The following STX10 variants were observed in gnomAD, a reference collection of about 807,000 sequenced individuals.
The protein encoded by STX10 is syntaxin 10, also known as syntaxin-10.
In STX10, 35 loss-of-function variants were observed where a neutral mutation model predicts 34.1. That is an observed-to-expected ratio of 1.03 (90% CI 0.78 to 1.36). STX10 has a LOEUF of 1.36. Among genes scored for constraint, STX10 ranks in the 40% most tolerant of loss-of-function variants. The probability of loss-of-function intolerance (pLI) is 0.00; values close to 1 mark genes in which losing one functional copy is unlikely to be tolerated. For missense variants in STX10, 361 were observed against 335.5 expected (o/e 1.08, Z -0.59); for synonymous variants, 155 against 132.9 (o/e 1.17, Z -1.15).
At chr19:13,144,898 G>A in intron 5 of STX10, 28 bp from the exon 6 acceptor site, 1 of 1,592,232 alleles carries the variant, frequency 6.3e-7, no homozygotes, top group Non-Finnish European at 8.6e-7. Context: ...GGGAGATGCT[G>A]TTGAAAACGA....
intron 4 of STX10, among the ~76,000 whole-genome samples, chr19:13,147,077 GAA>G (rs2019915612): frequency 2.0e-5 from 1 of 50,942 alleles, no homozygotes; most frequent in African/African-American, 6.6e-5. Context: ...GAGAAACACA[GAA>G]ACACACACAC....
In STX10 at chr19:13,149,426, AAAAG is replaced by A. The variant is rs566550573; in HGVS notation, c.300+69_300+72del. On this transcript the variant is annotated intron_variant, in intron 3 of 7. Coordinates refer to ENST00000587230, the MANE Select transcript of STX10 (RefSeq NM_003765.3). ...GGCTCTGTCTCAAAAAAAAAAAAAA[AAAAG>A]AAAGAAAGAAAGAAAAAAAAACACA... 3,206 of 756,708 alleles carry A rather than the reference AAAAG, an allele frequency of 4.2e-3. 7 individuals carry two copies. Among genetic ancestry groups the A allele is most frequent in the Non-Finnish European group, 4.7e-3 (2,331 of 496,300 alleles). 46.9% of individuals were successfully genotyped at this position (756,708 alleles called of 1,614,324 possible). A position where few individuals can be genotyped will look rare whatever the true frequency, so the allele number is the denominator to read the frequency against.
intron 4 of STX10, among the ~76,000 whole-genome samples, chr19:13,146,951 C>T (rs2019912206): frequency 6.6e-6 from 1 of 151,758 alleles, no homozygotes; most frequent in South Asian, 2.1e-4. Context: ...CAGTCCCCCA[C>T]CCTCCCCGAC....
intron 6 of STX10, 35 bp from the exon 7 acceptor site, chr19:13,144,706 C>T (rs956129749): frequency 6.2e-7 from 1 of 1,613,126 alleles, no homozygotes; most frequent in Non-Finnish European, 8.5e-7. Context: ...CCCCAGATGG[C>T]CCAGACACAC....
chr19:13,147,893 CAAAAAA>C (rs1159793123), intron 4 of STX10, among the ~76,000 whole-genome samples: 5 of 54,594 alleles, frequency 9.2e-5, no homozygotes, highest in African/African-American at 3.2e-4. Context: ...CACTCCGTCT[CAAAAAA>C]AAAAAAAAAA....
At chr19:13,146,684 G>A (rs967781358) in intron 4 of STX10, among the ~76,000 whole-genome samples, 1 of 151,656 alleles carries the variant, frequency 6.6e-6, no homozygotes, top group Non-Finnish European at 1.5e-5. Context: ...GAGATTACAG[G>A]TGATCACCAC....
At chr19:13,149,383 G>C in intron 3 of STX10, 116 bp downstream of exon 3, 1 of 905,120 alleles carries the variant, frequency 1.1e-6, no homozygotes, top group East Asian at 2.6e-5. Flanking sequence ...CTGTACTCCA[G>C]CCTGGGCGAC....
At position 13,144,466 on chromosome 19, in the gene STX10, T is replaced by A. The variant is rs2019848219; in HGVS notation, c.694A>T (p.Ile232Phe). The part of the protein sequence containing the change: ...MTSDRRQWCA[I>F]AVLVGVLLLV... ...AGAAGCACCCCCACTAGCACGGCGA[T>A]GGCACACCACTGTCGGCGGTCTGGG... Residue 232 changes from isoleucine (I) to phenylalanine (F), a missense_variant, in exon 8 of 8, where the codon ATC becomes TTC. Ile to Phe is a conservative substitution (Grantham distance 21). Transcript: ENST00000587230. 1 of 1,613,326 alleles carries A rather than the reference T, an allele frequency of 6.2e-7. No homozygotes were observed. Among genetic ancestry groups the A allele is most frequent in the African/African-American group, 1.3e-5 (1 of 74,906 alleles).
chr19:13,149,765 G>T lies in STX10; in HGVS notation c.168C>A (p.Ser56Arg). ...CCAGGTCCTCGAGGTCCCACTCGAT[G>T]CTGCGCAGGCCATTCCGCAGCTCAT... ...TTNELRNGLR[S>R]IEWDLEDLEE... The change falls in exon 2 of 8, where the codon AGC becomes AGA. Residue 56 changes from serine (S) to arginine (R), a missense_variant. Physicochemically the swap from Ser to Arg is moderately radical, Grantham distance 110. Transcript: ENST00000587230. The T allele has an allele frequency of 6.2e-7, 1 of 1,614,152 alleles. No homozygotes were observed. The highest frequency in any genetic ancestry group is 1.1e-5 in the South Asian group (1 of 91,086).
In STX10 at chr19:13,145,414, T is replaced by C. The variant is rs111903910; in HGVS notation, c.364-19A>G. 12 of 1,604,440 alleles carry C rather than the reference T, an allele frequency of 7.5e-6. No individual in the cohort carries two copies. The African/African-American group carries it at 9.4e-5, about 13-fold the overall frequency. On this transcript the variant is annotated intron_variant, in intron 4 of 7. Transcript: ENST00000587230. Reference sequence around the variant, plus strand: ...CGAGTATCTGCAGGGGCACACAACATAGGCTCAGGGAGAGACCCCAACTCA... The same window carrying C: ...CGAGTATCTGCAGGGGCACACAACACAGGCTCAGGGAGAGACCCCAACTCA...
intron 4 of STX10, among the ~76,000 whole-genome samples, chr19:13,147,535 G>A (rs1568392201): frequency 6.6e-6 from 1 of 151,964 alleles, no homozygotes. Context: ...GGAGGCTGAA[G>A]CTAGTGGATC....
chr19:13,146,112 G>T (rs901822822), intron 4 of STX10, among the ~76,000 whole-genome samples: 1 of 150,606 alleles, frequency 6.6e-6, no homozygotes, highest in Non-Finnish European at 1.5e-5. Flanking sequence ...CAGCAGAATC[G>T]CTTGAACCTG....
intron 2 of STX10, 41 bp downstream of exon 2, chr19:13,149,687 G>T (rs777922450): frequency 3.7e-6 from 6 of 1,610,066 alleles, no homozygotes; most frequent in Non-Finnish European, 5.1e-6. Flanking sequence ...CACCGCAATG[G>T]GCTCTCCCAT....
intron 3 of STX10, 148 bp from the exon 4 acceptor site, chr19:13,149,239 C>T: frequency 1.3e-6 from 1 of 742,746 alleles, no homozygotes; most frequent in Non-Finnish European, 2.2e-6. Flanking sequence ...TGGTGAAACC[C>T]CGTCTCTACT....
rs1241054599 is a variant in STX10, at chr19:13,144,429, A to G, written c.731T>C (p.Ile244Thr). 6.2e-7 allele frequency: 1 copy of G among 1,611,612 alleles called. No homozygotes were observed. The highest frequency in any genetic ancestry group is 8.5e-7 in the Non-Finnish European group (1 of 1,179,328). Residue 244 changes from isoleucine (I) to threonine (T), a missense_variant, in exon 8 of 8, where the codon ATC becomes ACC. Physicochemically the swap from Ile to Thr is moderately conservative, Grantham distance 89. Coordinates refer to ENST00000587230, the MANE Select transcript of STX10 (RefSeq NM_003765.3). ...CTGGGGTCAGAGAGAGAATAGTAAG[A>G]TGAGAACGAGGAGAAGCACCCCCAC... is the stretch of plus-strand genomic sequence containing the variant. ...VLVGVLLLVL[I>T]LLFSL
intron 1 of STX10, 81 bp from the exon 2 acceptor site, chr19:13,149,978 G>C: frequency 6.7e-7 from 1 of 1,498,700 alleles, no homozygotes; most frequent in South Asian, 1.2e-5. Context: ...AAACCCAAAC[G>C]CATGGGGGAC....
At chr19:13,147,311 A>T (rs1205109950) in intron 4 of STX10, among the ~76,000 whole-genome samples, 1 of 152,018 alleles carries the variant, frequency 6.6e-6, no homozygotes, top group Non-Finnish European at 1.5e-5. Context: ...CTAAAAACAC[A>T]AAAATTAGCT....
chr19:13,149,911 C>T lies in STX10; in HGVS notation c.36-14G>A, dbSNP rs182047549. The T allele has an allele frequency of 4.5e-5, 70 of 1,559,282 alleles. No homozygotes were observed. Among genetic ancestry groups the T allele is most frequent in the Admixed American group, 3.7e-4 (19 of 51,758 alleles). Reference sequence around the variant, plus strand: ...TTCTGCACCTCGCTGCGGGCAGGGGCACGGCGGGCGCGGCTGGGGGCAGGC... The same window carrying T: ...TTCTGCACCTCGCTGCGGGCAGGGGTACGGCGGGCGCGGCTGGGGGCAGGC... On this transcript the variant is annotated splice_polypyrimidine_tract_variant and intron_variant, in intron 1 of 7. Coordinates refer to ENST00000587230, the MANE Select transcript of STX10 (RefSeq NM_003765.3).
chr19:13,148,439 A>AT (rs2019958567), intron 4 of STX10, among the ~76,000 whole-genome samples: 1 of 145,060 alleles, frequency 6.9e-6, no homozygotes, highest in Non-Finnish European at 1.5e-5. Flanking sequence ...GGAGGCGGAG[A>AT]TTGCGGTGAG....
Sources: gnomAD v4.1 joint callset for allele counts (sites outside exome capture counted in the v4.1 genomes callset) on GRCh38, gnomAD v4.1.1 for gene constraint, MANE v1.5 for transcripts, NCBI Gene and HGNC (gene_info 2026-07-23, HGNC 2026-07-21) for gene names.